SGCD: variants seen among roughly 807,000 people sequenced by gnomAD.
SGCD encodes the protein delta-sarcoglycan.
SGCD carries 18 observed loss-of-function variants against 36.6 expected under a neutral mutation model. The ratio of observed to expected loss-of-function variants is 0.49; its 90% CI spans 0.34 to 0.73. The LOEUF (loss-of-function observed/expected upper bound fraction) is 0.73. SGCD is among the 30% of genes least tolerant of loss of function. The pLI is 0.01. For synonymous variants in SGCD, 133 were observed against 130.6 expected (o/e 1.02, Z -0.12); for missense variants, 387 against 346.7 (o/e 1.12, Z -0.92).
chr5:156,028,222 G>A (rs1008362691), intron 1 of SGCD, among the ~76,000 whole-genome samples: 9 of 152,126 alleles, frequency 5.9e-5, no homozygotes, highest in South Asian at 4.1e-4. Flanking sequence ...TGGCAGTATC[G>A]AAGACAGGGT....
intron 3 of SGCD, among the ~76,000 whole-genome samples, chr5:156,381,375 C>T (rs1381277883): frequency 6.6e-6 from 1 of 152,108 alleles, no homozygotes; most frequent in Non-Finnish European, 1.5e-5. Flanking sequence ...GTTGGAATAC[C>T]ATTTTTCATT....
chr5:156,030,660 G>A (rs1759327192), intron 1 of SGCD, among the ~76,000 whole-genome samples: 1 of 152,204 alleles, frequency 6.6e-6, no homozygotes, highest in Admixed American at 6.5e-5. Flanking sequence ...AAGGACGGGT[G>A]AGTTGAATGC....
At chr5:156,339,616 G>A (rs1361353205) in intron 2 of SGCD, among the ~76,000 whole-genome samples, 1 of 151,996 alleles carries the variant, frequency 6.6e-6, no homozygotes, top group Non-Finnish European at 1.5e-5. Context: ...TCACATAAAT[G>A]TTTGGGTTTC....
rs112479424 is a variant in SGCD at position 156,524,233 on chromosome 5, G to A, written c.294+15531G>A. The stretch of plus-strand genomic sequence containing the variant: ...AGGTCTTTATATATATAAAGAGAGA[G>A]TAATATATATAGTTATATATAAAAC... On this transcript the variant is annotated intron_variant, in intron 4 of 8. Coordinates refer to ENST00000337851, the MANE Select transcript of SGCD (RefSeq NM_000337.6). Among the ~76,000 whole-genome samples, 288 of 129,980 alleles carry A rather than the reference G, an allele frequency of 2.2e-3. 2 individuals carry two copies. The highest frequency in any genetic ancestry group is 7.6e-3 in the African/African-American group (268 of 35,330). 85.3% of individuals were successfully genotyped at this position (129,980 alleles called of 152,430 possible). A position where few individuals can be genotyped will look rare whatever the true frequency, so the allele number is the denominator to read the frequency against.
intron 3 of SGCD, among the ~76,000 whole-genome samples, chr5:156,441,581 C>A (rs985942828): frequency 6.6e-6 from 1 of 152,162 alleles, no homozygotes; most frequent in African/African-American, 2.4e-5. Flanking sequence ...CATTTCTTCT[C>A]TATTAGTGTG....
intron 3 of SGCD, among the ~76,000 whole-genome samples, chr5:156,205,510 C>A: frequency 6.6e-6 from 1 of 152,028 alleles, no homozygotes; most frequent in East Asian, 1.9e-4. Flanking sequence ...TCGTATAAGA[C>A]AATAATCTGT....
the SGCD span, among the ~76,000 whole-genome samples, chr5:155,811,794 G>A: frequency 0.041 from 6,238 of 151,644 alleles, 389 homozygotes; most frequent in African/African-American, 0.14. Flanking sequence ...TTATTATTAA[G>A]TTTAGTGAGG....
intron 1 of SGCD, among the ~76,000 whole-genome samples, chr5:156,035,788 C>T (rs573587672): frequency 6.6e-6 from 1 of 152,192 alleles, no homozygotes; most frequent in East Asian, 1.9e-4. Flanking sequence ...ATATTTAACC[C>T]ATCTTCATTC....
chr5:156,551,198 T>C (rs561435802), intron 4 of SGCD, among the ~76,000 whole-genome samples: 1 of 152,340 alleles, frequency 6.6e-6, no homozygotes, highest in East Asian at 1.9e-4. Flanking sequence ...ACCTGTCTCA[T>C]CCTTCACTTT....
chr5:156,646,303 T>A (rs1460345744), intron 6 of SGCD, among the ~76,000 whole-genome samples: 2 of 152,174 alleles, frequency 1.3e-5, no homozygotes, highest in East Asian at 3.9e-4. Context: ...CTCCCTAGAT[T>A]TTGCTGGCTT....
chr5:156,103,337 T>C (rs984181154), intron 1 of SGCD, among the ~76,000 whole-genome samples: 2 of 124,150 alleles, frequency 1.6e-5, no homozygotes, highest in Non-Finnish European at 3.4e-5. Context: ...ATGATGGTGA[T>C]GAATTACTTT....
intron 7 of SGCD, among the ~76,000 whole-genome samples, chr5:156,652,966 A>G (rs1261941669): frequency 2.0e-5 from 3 of 151,924 alleles, no homozygotes; most frequent in African/African-American, 4.8e-5. Context: ...TGGTAAATTA[A>G]CTTTTTGATG....
chr5:156,487,808 A>AG (rs1755750307), intron 3 of SGCD, among the ~76,000 whole-genome samples: 3 of 125,170 alleles, frequency 2.4e-5, no homozygotes, highest in East Asian at 2.2e-4. Flanking sequence ...AAAAAAAAAA[A>AG]AAAAAAAAGA....
At chr5:156,339,889 A>G (rs965191309) in intron 2 of SGCD, among the ~76,000 whole-genome samples, 4 of 152,208 alleles carry the variant, frequency 2.6e-5, no homozygotes, top group Non-Finnish European at 5.9e-5. Context: ...TGCCTCACAT[A>G]CATTTTCTGT....
At chr5:156,377,341 C>G (rs1011797673) in intron 3 of SGCD, among the ~76,000 whole-genome samples, 5 of 152,140 alleles carry the variant, frequency 3.3e-5, no homozygotes, top group African/African-American at 1.2e-4. Flanking sequence ...CAACTCCCAT[C>G]GCATTATAAA....
At chr5:156,054,603 A>G (rs371501662) in intron 1 of SGCD, among the ~76,000 whole-genome samples, 1 of 146,684 alleles carries the variant, frequency 6.8e-6, no homozygotes, top group Non-Finnish European at 1.5e-5. Context: ...TGAACTTTCT[A>G]TATTTAAATA....
upstream of SGCD, among the ~76,000 whole-genome samples, chr5:156,324,642 G>C (rs150770852): frequency 3.6e-3 from 555 of 152,232 alleles, no homozygotes; most frequent in African/African-American, 0.012. Context: ...AGGGTCTCGT[G>C]AATCATATCA....
intron 4 of SGCD, among the ~76,000 whole-genome samples, chr5:156,539,938 T>C (rs146451589): frequency 8.3e-4 from 127 of 152,296 alleles, no homozygotes; most frequent in Non-Finnish European, 1.5e-3. Context: ...TACTCAGTTA[T>C]AATATGTGAA....
At chr5:155,850,575 G>A in the SGCD span, among the ~76,000 whole-genome samples, 189 of 152,256 alleles carry the variant, frequency 1.2e-3, 1 homozygote, top group Middle Eastern at 3.4e-3. Flanking sequence ...AAAGGAGACC[G>A]TACTGCCGAT....
Sources: gnomAD v4.1 joint callset for allele counts (sites outside exome capture counted in the v4.1 genomes callset) on GRCh38, gnomAD v4.1.1 for gene constraint, MANE v1.5 for transcripts, NCBI Gene and HGNC (gene_info 2026-07-23, HGNC 2026-07-21) for gene names.